ARHGAP32: variants seen among roughly 807,000 people sequenced by gnomAD.
The protein encoded by ARHGAP32 is rho GTPase-activating protein 32.
ARHGAP32 carries 51 observed loss-of-function variants against 186.5 expected under a neutral mutation model. The observed-to-expected ratio is 0.27, with a 90% confidence interval of 0.22 to 0.35. The LOEUF (loss-of-function observed/expected upper bound fraction) is 0.35, where lower values mean the gene tolerates loss of function less well. ARHGAP32 is among the 10% of genes least tolerant of loss of function. The probability of loss-of-function intolerance (pLI) is 1.00; values close to 1 mark genes in which losing one functional copy is unlikely to be tolerated. For synonymous variants in ARHGAP32, 950 were observed against 964.3 expected (o/e 0.99, Z 0.27); for missense variants, 2,186 against 2,623.5 (o/e 0.83, Z 3.64).
intron 1 of ARHGAP32, among the ~76,000 whole-genome samples, chr11:129,177,517 A>C (rs982048114): frequency 6.6e-6 from 1 of 152,236 alleles, no homozygotes; most frequent in Non-Finnish European, 1.5e-5. Flanking sequence ...TCCTTGATGA[A>C]CATTGATGCA....
At chr11:129,213,935 T>C (rs1486690359) in intron 1 of ARHGAP32, among the ~76,000 whole-genome samples, 1 of 152,166 alleles carries the variant, frequency 6.6e-6, no homozygotes, top group East Asian at 1.9e-4. Context: ...CAGGTAAGAA[T>C]GTTTGTTTTG....
At chr11:129,167,542 A>C (rs1943664203) in intron 1 of ARHGAP32, among the ~76,000 whole-genome samples, 1 of 152,244 alleles carries the variant, frequency 6.6e-6, no homozygotes, top group Non-Finnish European at 1.5e-5. Flanking sequence ...TCATTAAAAA[A>C]GAATGAAGTG....
intron 22 of ARHGAP32, chr11:128,971,362 G>T: frequency 2.0e-6 from 1 of 510,236 alleles, no homozygotes; most frequent in Non-Finnish European, 3.4e-6. Context: ...ATTATCTTTG[G>T]AGAACCATTC....
intron 11 of ARHGAP32, among the ~76,000 whole-genome samples, chr11:129,005,702 T>C (rs192230903): frequency 2.6e-5 from 4 of 152,334 alleles, no homozygotes; most frequent in Non-Finnish European, 5.9e-5. Context: ...TTTGGCAGTA[T>C]TATTATTAAA....
At chr11:129,116,032 C>A (rs185119213) in intron 5 of ARHGAP32, among the ~76,000 whole-genome samples, 1 of 152,098 alleles carries the variant, frequency 6.6e-6, no homozygotes, top group East Asian at 1.9e-4. Context: ...GAACCAGGGC[C>A]TAGGGAACCA....
At chr11:129,249,478 G>T (rs2135686036) in intron 1 of ARHGAP32, among the ~76,000 whole-genome samples, 1 of 152,268 alleles carries the variant, frequency 6.6e-6, no homozygotes, top group African/African-American at 2.4e-5. Flanking sequence ...TATAAAGACA[G>T]ATGCTAATGC....
chr11:129,086,329 C>A (rs549635621), intron 6 of ARHGAP32, among the ~76,000 whole-genome samples: 1 of 152,230 alleles, frequency 6.6e-6, no homozygotes. Flanking sequence ...AACTATAAAA[C>A]TCCTAGAAGA....
chr11:129,264,424 G>A (rs1157987420), intron 1 of ARHGAP32, among the ~76,000 whole-genome samples: 3 of 152,168 alleles, frequency 2.0e-5, no homozygotes, highest in African/African-American at 7.2e-5. Context: ...ATCACTATAA[G>A]TAACTACCTC....
rs149884317 is a variant in ARHGAP32 at position 129,220,603 on chromosome 11, C to G, written c.-4-56176G>C. Among the ~76,000 whole-genome samples, 225 of 152,220 alleles carry G rather than the reference C, an allele frequency of 1.5e-3. 1 individual carries two copies. The highest frequency in any genetic ancestry group is 5.0e-3 in the African/African-American group (208 of 41,546). On this transcript the variant is annotated intron_variant, in intron 1 of 6. Transcript: ENST00000525234. ...TAAACACATACCCTCTGATTAGAAT[C>G]CAGTTTGGTTTGATGCAGTGGATTG...
At chr11:129,186,176 CT>C (rs1944156622) in intron 1 of ARHGAP32, among the ~76,000 whole-genome samples, 1 of 152,110 alleles carries the variant, frequency 6.6e-6, no homozygotes, top group East Asian at 1.9e-4. Flanking sequence ...TGGGTTTAAA[CT>C]TTTTAACTTC....
chr11:129,200,021 T>G (rs1046028029), intron 1 of ARHGAP32, among the ~76,000 whole-genome samples: 2 of 152,196 alleles, frequency 1.3e-5, no homozygotes, highest in Admixed American at 6.5e-5. Context: ...CCACTGGATT[T>G]TGGACTTACA....
chr11:129,193,569 A>ATATT (rs1944319135), upstream of ARHGAP32, among the ~76,000 whole-genome samples: 1 of 12,982 alleles, frequency 7.7e-5, no homozygotes, highest in Non-Finnish European at 1.3e-4. Flanking sequence ...TATTATATAT[A>ATATT]ATATATATAT....
intron 1 of ARHGAP32, among the ~76,000 whole-genome samples, chr11:129,271,333 G>A (rs898623855): frequency 6.6e-6 from 1 of 152,034 alleles, no homozygotes; most frequent in Non-Finnish European, 1.5e-5. Context: ...TAAAGGTGGA[G>A]GTGACCAGAC....
intron 2 of ARHGAP32, among the ~76,000 whole-genome samples, chr11:129,161,651 T>G (rs964808553): frequency 2.0e-5 from 3 of 152,150 alleles, no homozygotes; most frequent in Non-Finnish European, 4.4e-5. Context: ...AAACAACAGA[T>G]GCTGGAGAGG....
At chr11:129,117,424 G>T (rs1239751450) in intron 5 of ARHGAP32, among the ~76,000 whole-genome samples, 1 of 151,772 alleles carries the variant, frequency 6.6e-6, no homozygotes, top group Non-Finnish European at 1.5e-5. Flanking sequence ...GAAACTTCAG[G>T]CTTTTAAAAT....
Position 128,981,921 on chromosome 11 carries a change from C to A in ARHGAP32, c.1542G>T (p.Leu514=), listed in dbSNP as rs1184325287. The change falls in exon 16 of 23, where the codon CTG becomes CTT. Residue 514 remains leucine, a synonymous_variant. Transcript: ENST00000682385. The part of the protein sequence containing the change: ...PPPHYRTLEF[L]MRHLSLLADY... ...CAGCTAGAAGAGACAAGTGTCTCAT[C>A]AGGAACTCCAGTGTTCTGGAAATAA... The A allele has an allele frequency of 6.2e-7, 1 of 1,605,552 alleles. No homozygotes were observed. The highest frequency in any genetic ancestry group is 8.5e-7 in the Non-Finnish European group (1 of 1,173,824).
chr11:129,041,955 A>G (rs560567242), intron 10 of ARHGAP32, among the ~76,000 whole-genome samples: 8 of 152,296 alleles, frequency 5.3e-5, no homozygotes, highest in African/African-American at 1.2e-4. Flanking sequence ...GGAAGAATGG[A>G]ATAGTTTTCC....
intron 1 of ARHGAP32, among the ~76,000 whole-genome samples, chr11:129,254,027 T>A (rs1331077427): frequency 1.3e-5 from 2 of 152,174 alleles, no homozygotes; most frequent in African/African-American, 4.8e-5. Context: ...AATTACATTA[T>A]AAATGAAATG....
At chr11:129,136,186 A>G (rs891670183) in intron 2 of ARHGAP32, among the ~76,000 whole-genome samples, 1 of 152,226 alleles carries the variant, frequency 6.6e-6, no homozygotes, top group Admixed American at 6.5e-5. Flanking sequence ...ACAAAAGAGG[A>G]TATCTCAAGG....
Sources: gnomAD v4.1 joint callset for allele counts (sites outside exome capture counted in the v4.1 genomes callset) on GRCh38, gnomAD v4.1.1 for gene constraint, MANE v1.5 for transcripts, NCBI Gene and HGNC (gene_info 2026-07-23, HGNC 2026-07-21) for gene names.